The following EIF2D variants were observed in gnomAD, a reference collection of about 807,000 sequenced individuals.
The protein encoded by EIF2D is hepatocellular carcinoma-associated antigen 56.
In EIF2D, 56 loss-of-function variants were observed where a neutral mutation model predicts 77.4. That is an observed-to-expected ratio of 0.72 (90% CI 0.58 to 0.90). The LOEUF is 0.90. Among genes scored for constraint, EIF2D ranks in the 40% least tolerant of loss-of-function variants. The pLI, the probability that EIF2D is intolerant of heterozygous loss-of-function variation, is 0.00. For missense variants in EIF2D, 574 were observed against 706.5 expected (o/e 0.81, Z 2.13); for synonymous variants, 230 against 271.0 (o/e 0.85, Z 1.49).
chr1:206,590,597 T>G (rs1054479002), downstream of EIF2D, among the ~76,000 whole-genome samples: 2 of 152,118 alleles, frequency 1.3e-5, no homozygotes, highest in Admixed American at 1.3e-4. Flanking sequence ...CCGGTAGAGA[T>G]AGGATTAGTG....
chr1:206,584,476 CATCT>C lies in EIF2D; in HGVS notation c.139-3318_139-3315del. ...TGCCTGCTGGGATCCGGCCCCAGTC[CATCT>C]ATGATGCCATCAAGGAGGTGAACCT... On this transcript the variant is annotated intron_variant and NMD_transcript_variant, in intron 2 of 5. Coordinates refer to the EIF2D transcript ENST00000472709. The surrounding 1 kb of genome is among the most constrained non-coding windows in gnomAD (Gnocchi z 4.9). 6.2e-7 allele frequency: 1 copy of C among 1,614,172 alleles called. No individual in the cohort carries two copies. Among genetic ancestry groups the C allele is most frequent in the Non-Finnish European group, 8.5e-7 (1 of 1,180,026 alleles).
In EIF2D at chr1:206,611,237, AC is replaced by A. The variant is rs1553413918; in HGVS notation, c.193del (p.Val65Ter). The stretch of plus-strand genomic sequence containing the variant: ...AAAGAGGATGGGGTTACCACCACTC[AC>A]GTACACAGTCACTGCATCCCCTTTG... ...AHKGDAVTVYVSGGNPILFEL... is the reference protein window; with the variant it reads ...AHKGDAVTVYXSGGNPILFEL... On this transcript the variant is annotated frameshift_variant, in exon 2 of 15. Coordinates refer to ENST00000271764, the MANE Select transcript of EIF2D (RefSeq NM_006893.3). LOFTEE classifies it high-confidence loss of function. The A allele has an allele frequency of 6.2e-7, 1 of 1,614,234 alleles. No individual in the cohort carries two copies. Among genetic ancestry groups the A allele is most frequent in the Admixed American group, 1.7e-5 (1 of 60,026 alleles).
Position 206,591,837 on chromosome 1 carries a change from G to A in EIF2D, c.1693C>T (p.Gln565Ter). 1 of 1,614,128 alleles carries A rather than the reference G, an allele frequency of 6.2e-7. No homozygotes were observed. Among genetic ancestry groups the A allele is most frequent in the Non-Finnish European group, 8.5e-7 (1 of 1,180,026 alleles). The change falls in exon 15 of 15, where the codon CAG becomes TAG. Residue 565 changes from glutamine (Q) to a stop codon, truncating the protein, a stop_gained. Coordinates refer to ENST00000271764, the MANE Select transcript of EIF2D (RefSeq NM_006893.3). LOFTEE classifies it high-confidence loss of function. ...CCTTGGATGTGTTTTCGAGGGAGCT[G>A]ATACTCTTCTACAATCCAAAAAGCA... ...HLGWLLLEEY[Q>*]LPRKHIQGLE... is the part of the protein sequence containing the mutation.
chr1:206,598,992 C>G lies in EIF2D; in HGVS notation c.1292+11G>C, dbSNP rs782436463. The G allele has an allele frequency of 6.2e-7, 1 of 1,613,680 alleles. No individual in the cohort carries two copies. The highest frequency in any genetic ancestry group is 1.3e-5 in the African/African-American group (1 of 74,918). On this transcript the variant is annotated intron_variant, in intron 11 of 14. Transcript: ENST00000271764. Reference sequence around the variant, plus strand: ...CCAATAAGACAGATCTGGTGCTTCTCATGCACTCACTTTTTGTTGTCTGCA... The same window carrying G: ...CCAATAAGACAGATCTGGTGCTTCTGATGCACTCACTTTTTGTTGTCTGCA...
chr1:206,605,614 C>A, intron 4 of EIF2D, 107 bp from the exon 5 acceptor site: 1 of 930,084 alleles, frequency 1.1e-6, no homozygotes. Context: ...GTTACCAATT[C>A]GAAGGTCTTG....
intron 2 of EIF2D, chr1:206,583,494 C>T: frequency 1.4e-6 from 1 of 739,654 alleles, no homozygotes; most frequent in Non-Finnish European, 2.4e-6. Flanking sequence ...CCTCCCTTTC[C>T]TCCGGCCTCC....
Position 206,602,341 on chromosome 1 carries a change from G to A in EIF2D, c.897C>T (p.Ser299=). Residue 299 remains serine (S), a synonymous_variant, in exon 7 of 15, where the codon TCC becomes TCT. Transcript: ENST00000271764. ...CACATCAGTGCTTTCCATACCAGCA[G>A]GAGAACATGTGGCTGCCAAGGAAAG... ...TSTFLGSHMF[S]CCPEGRQLDI... is the part of the protein sequence containing the mutation. 13 of 1,614,032 alleles carry A rather than the reference G, an allele frequency of 8.1e-6. No individual in the cohort carries two copies. Among genetic ancestry groups the A allele is most frequent in the Non-Finnish European group, 1.1e-5 (13 of 1,179,864 alleles).
At position 206,584,543 on chromosome 1, in the gene EIF2D, C is replaced by A; in HGVS notation, c.139-3381G>T. 1 of 1,614,154 alleles carries A rather than the reference C, an allele frequency of 6.2e-7. No individual in the cohort carries two copies. The highest frequency in any genetic ancestry group is 8.5e-7 in the Non-Finnish European group (1 of 1,180,004). ...GGACAAGCGGACATCCTTCTACCTG[C>A]CCCTAGATGCCATCAAGCAGCTGCA... On this transcript the variant is annotated intron_variant and NMD_transcript_variant, in intron 2 of 5. Transcript: ENST00000472709. The surrounding 1 kb of genome is among the most constrained non-coding windows in gnomAD (Gnocchi z 4.9).
Position 206,591,812 on chromosome 1 carries a change from C to T in EIF2D, c.1718G>A (p.Gly573Asp). Residue 573 changes from glycine (G) to aspartate (D), a missense_variant, in exon 15 of 15, where the codon GGT (glycine) becomes GAT (aspartate). Transcript: ENST00000271764. ...GCCAGGTTTGAGGGCCTTTTCTAGA[C>T]CTTGGATGTGTTTTCGAGGGAGCTG... Reference protein sequence around the residue: ...EYQLPRKHIQGLEKALKPGKK... With the variant: ...EYQLPRKHIQDLEKALKPGKK... 1.9e-6 allele frequency: 3 copies of T among 1,614,174 alleles called. No homozygotes were observed. Among genetic ancestry groups the T allele is most frequent in the Non-Finnish European group, 1.7e-6 (2 of 1,180,032 alleles).
rs1189033073 is a variant in EIF2D at position 206,579,190 on chromosome 1, G to C, written c.*254+1502C>G. On this transcript the variant is annotated intron_variant and NMD_transcript_variant, in intron 4 of 5. Transcript: ENST00000472709. This position sits in a 1 kb window ranked among gnomAD's most constrained non-coding sequence, Gnocchi z 4.2. ...TGCCCTGGACATGCCAAGTGCATTG[G>C]GAACAGCTCAGCCATCTGCCACCAA... is the stretch of plus-strand genomic sequence containing the variant. 1.7e-4 allele frequency among the ~76,000 whole-genome samples: 26 copies of C among 152,166 alleles called. No individual in the cohort carries two copies. The highest frequency in any genetic ancestry group is 6.0e-4 in the African/African-American group (25 of 41,414).
chr1:206,605,187 T>C (rs1164140277), intron 5 of EIF2D: 1 of 441,336 alleles, frequency 2.3e-6, no homozygotes, highest in African/African-American at 2.0e-5. Flanking sequence ...TCTAAGATTC[T>C]ATAATTCACT....
chr1:206,583,435 GGC>G, intron 2 of EIF2D: 1 of 1,217,076 alleles, frequency 8.2e-7, no homozygotes, highest in Non-Finnish European at 1.2e-6. Context: ...CTTCGGGTTT[GGC>G]GCCTCTGCCC....
intron 5 of EIF2D, among the ~76,000 whole-genome samples, chr1:206,604,082 C>A (rs1670062995): frequency 6.6e-6 from 1 of 152,144 alleles, no homozygotes; most frequent in African/African-American, 2.4e-5. Flanking sequence ...CATCAGCCCT[C>A]AAATATCTAA....
Position 206,611,177 on chromosome 1 carries a change from G to A in EIF2D, c.247+7C>T. 6.2e-7 allele frequency: 1 copy of A among 1,609,298 alleles called. No individual in the cohort carries two copies. The highest frequency in any genetic ancestry group is 8.5e-7 in the Non-Finnish European group (1 of 1,176,426). On this transcript the variant is annotated splice_region_variant and intron_variant, in intron 2 of 14. Coordinates refer to ENST00000271764, the MANE Select transcript of EIF2D (RefSeq NM_006893.3). The stretch of plus-strand genomic sequence containing the variant: ...TGGTAATGGCCATCTTCGTCCTGTT[G>A]TCATACCTGTTGGATACAGATTTTT...
At chr1:206,575,613 T>C (rs541208602) in intron 4 of EIF2D, among the ~76,000 whole-genome samples, 1 of 151,860 alleles carries the variant, frequency 6.6e-6, no homozygotes, top group Non-Finnish European at 1.5e-5. Flanking sequence ...GAGGCCCCCA[T>C]CTCCACACCC....
chr1:206,600,388 T>G, intron 7 of EIF2D, 80 bp from the exon 8 acceptor site: 1 of 1,258,270 alleles, frequency 7.9e-7, no homozygotes, highest in South Asian at 1.3e-5. Flanking sequence ...GAGGGCCTTT[T>G]TCCTCAGCCT....
At position 206,605,475 on chromosome 1, in the gene EIF2D, G is replaced by C; in HGVS notation, c.455C>G (p.Ser152Cys). The change falls in exon 5 of 15, where the codon TCC becomes TGC. Residue 152 changes from serine (S) to cysteine (C), a missense_variant. Physicochemically the swap from Ser to Cys is moderately radical, Grantham distance 112. Coordinates refer to ENST00000271764, the MANE Select transcript of EIF2D (RefSeq NM_006893.3). ...APVAIGVAAM[S>C]TAEMLTSGLK... is the part of the protein sequence containing the mutation. ...GCCTGACGTGAGCATCTCAGCTGTG[G>C]ACATGGCTGCAACTCCAATGGCTAC... 3 of 1,614,138 alleles carry C rather than the reference G, an allele frequency of 1.9e-6. No individual in the cohort carries two copies. Among genetic ancestry groups the C allele is most frequent in the Non-Finnish European group, 2.5e-6 (3 of 1,180,018 alleles).
chr1:206,591,717 A>G lies in EIF2D; in HGVS notation c.*58T>C. 6.7e-7 allele frequency: 1 copy of G among 1,494,552 alleles called. No individual in the cohort carries two copies. Among genetic ancestry groups the G allele is most frequent in the Non-Finnish European group, 9.3e-7 (1 of 1,079,630 alleles). 92.6% of individuals were successfully genotyped at this position (1,494,552 alleles called of 1,614,324 possible). A position where few individuals can be genotyped will look rare whatever the true frequency, so the allele number is the denominator to read the frequency against. On this transcript the variant is annotated 3_prime_UTR_variant, in exon 15 of 15. Coordinates refer to ENST00000271764, the MANE Select transcript of EIF2D (RefSeq NM_006893.3). ...GCAAAAGCTGAAAATGCTCATAAAA[A>G]TTACCAGCCCAGAGCTTGGATTTCC...
intron 2 of EIF2D, chr1:206,583,482 C>A: frequency 2.5e-6 from 2 of 803,086 alleles, no homozygotes; most frequent in South Asian, 1.5e-5. Flanking sequence ...CCTGGCAGGT[C>A]CCCTCCCTTT....
Sources: gnomAD v4.1 joint callset for allele counts (sites outside exome capture counted in the v4.1 genomes callset) on GRCh38, gnomAD v4.1.1 for gene constraint, Gnocchi (gnomAD v3.1) non-coding constraint, MANE v1.5 for transcripts, NCBI Gene and HGNC (gene_info 2026-07-23, HGNC 2026-07-21) for gene names.